SEPTIN10: variants seen among roughly 807,000 people sequenced by gnomAD.
SEPTIN10 encodes septin 10.
In SEPTIN10, 66 loss-of-function variants were observed where a neutral mutation model predicts 54.8. The ratio of observed to expected loss-of-function variants is 1.21; its 90% CI spans 0.99 to 1.48. The LOEUF (loss-of-function observed/expected upper bound fraction) is 1.48, where lower values mean the gene tolerates loss of function less well. Ranked by LOEUF, SEPTIN10 falls within the 40% of genes most tolerant of loss-of-function variation. The probability of loss-of-function intolerance (pLI) is 0.00; values close to 1 mark genes in which losing one functional copy is unlikely to be tolerated. For missense variants in SEPTIN10, 620 were observed against 545.6 expected, an observed-to-expected ratio of 1.14 and a Z score of -1.36; for synonymous variants, 161 against 181.0, an observed-to-expected ratio of 0.89 and a Z score of 0.89.
At chr2:109,582,460 T>C (rs910953904) in intron 4 of SEPTIN10, among the ~76,000 whole-genome samples, 2 of 152,056 alleles carry the variant, frequency 1.3e-5, no homozygotes, top group African/African-American at 4.8e-5. Context: ...GCTGGCAGTA[T>C]AGGTGCCCAC....
At chr2:109,577,655 G>A (rs959868974) in intron 4 of SEPTIN10, among the ~76,000 whole-genome samples, 10 of 151,560 alleles carry the variant, frequency 6.6e-5, no homozygotes, top group Non-Finnish European at 1.0e-4. Flanking sequence ...GCTCACGCCT[G>A]CAATCCCAGC....
intron 4 of SEPTIN10, among the ~76,000 whole-genome samples, chr2:109,578,081 A>G (rs890934996): frequency 1.3e-5 from 2 of 152,154 alleles, no homozygotes; most frequent in African/African-American, 2.4e-5. Context: ...GATAATGTGT[A>G]AGAGAACCAC....
intron 4 of SEPTIN10, among the ~76,000 whole-genome samples, chr2:109,583,736 C>T (rs987530357): frequency 1.3e-5 from 2 of 152,174 alleles, no homozygotes; most frequent in Non-Finnish European, 2.9e-5. Context: ...TGGAATCAAC[C>T]TAGCTGCCCA....
chr2:109,593,920 AGTTT>A (rs1313887799), intron 1 of SEPTIN10, among the ~76,000 whole-genome samples: 1 of 152,202 alleles, frequency 6.6e-6, no homozygotes, highest in East Asian at 1.9e-4. Flanking sequence ...TAGCTCATTA[AGTTT>A]ATTTTCTTAT....
chr2:109,544,206 A>G lies in SEPTIN10; in HGVS notation c.*103T>C. On this transcript the variant is annotated 3_prime_UTR_variant, in exon 11 of 11. Transcript: ENST00000397712. ...GTAACTGTGGCTGTTCACCAAATAT[A>G]GAAGTGATAAAACAAATAACAGCAA... is the stretch of plus-strand genomic sequence containing the variant. 6.2e-7 allele frequency: 1 copy of G among 1,607,764 alleles called. No homozygotes were observed. The highest frequency in any genetic ancestry group is 8.5e-7 in the Non-Finnish European group (1 of 1,177,458).
At chr2:109,551,852 G>T (rs556416006) in intron 9 of SEPTIN10, among the ~76,000 whole-genome samples, 3 of 152,298 alleles carry the variant, frequency 2.0e-5, no homozygotes, top group Admixed American at 6.5e-5. Context: ...CTAAATTGCT[G>T]CTTCAGAACT....
chr2:109,609,346 C>G (rs1373673459), intron 1 of SEPTIN10, among the ~76,000 whole-genome samples: 1 of 150,320 alleles, frequency 6.7e-6, no homozygotes, highest in Non-Finnish European at 1.5e-5. Flanking sequence ...AAGAATAATA[C>G]AGGTTGCTCT....
intron 5 of SEPTIN10, among the ~76,000 whole-genome samples, chr2:109,568,368 A>G (rs1215776156): frequency 1.4e-5 from 2 of 145,472 alleles, no homozygotes; most frequent in Non-Finnish European, 3.0e-5. Context: ...TGCCAGCCAC[A>G]CAATCTTTTT....
At chr2:109,599,102 A>G (rs1695974724) in intron 1 of SEPTIN10, among the ~76,000 whole-genome samples, 1 of 152,142 alleles carries the variant, frequency 6.6e-6, no homozygotes, top group South Asian at 2.1e-4. Context: ...ACATTCAGTT[A>G]TTCAAGCTAA....
At chr2:109,584,384 A>G (rs1179247788) in intron 4 of SEPTIN10, among the ~76,000 whole-genome samples, 1 of 150,014 alleles carries the variant, frequency 6.7e-6, no homozygotes, top group African/African-American at 2.4e-5. Context: ...CTGAGGCAGG[A>G]TAACCGCTTG....
intron 6 of SEPTIN10, among the ~76,000 whole-genome samples, chr2:109,566,534 A>C (rs1410398182): frequency 6.6e-6 from 1 of 152,176 alleles, no homozygotes; most frequent in Non-Finnish European, 1.5e-5. Context: ...GTAACTATAC[A>C]ATAGTGTATT....
At chr2:109,560,536 A>T (rs967684660) in intron 8 of SEPTIN10, among the ~76,000 whole-genome samples, 21 of 152,172 alleles carry the variant, frequency 1.4e-4, no homozygotes, top group African/African-American at 4.6e-4. Flanking sequence ...CACACATAGA[A>T]TTAATCATTT....
chr2:109,569,438 A>T (rs922327262), intron 5 of SEPTIN10, among the ~76,000 whole-genome samples: 42 of 49,454 alleles, frequency 8.5e-4, no homozygotes, highest in African/African-American at 3.4e-3. Context: ...AACTCTTGTT[A>T]AAAAAAAAAA....
chr2:109,609,253 A>C (rs1040169438), intron 1 of SEPTIN10, among the ~76,000 whole-genome samples: 2 of 152,238 alleles, frequency 1.3e-5, no homozygotes, highest in African/African-American at 4.8e-5. Flanking sequence ...AGCAAGAATA[A>C]AATTGTCCAA....
intron 8 of SEPTIN10, among the ~76,000 whole-genome samples, chr2:109,553,692 A>G (rs1028307454): frequency 6.6e-5 from 10 of 152,178 alleles, no homozygotes; most frequent in African/African-American, 2.4e-4. Flanking sequence ...GTCTCTACTA[A>G]AAATACAAAA....
intron 1 of SEPTIN10, among the ~76,000 whole-genome samples, chr2:109,598,021 C>CCT (rs1375199534): frequency 6.6e-6 from 1 of 152,148 alleles, no homozygotes; most frequent in Non-Finnish European, 1.5e-5. Flanking sequence ...GACCAATGAG[C>CCT]CTCAGGAAAC....
At chr2:109,545,779 G>C in intron 10 of SEPTIN10, 1 of 1,427,042 alleles carries the variant, frequency 7.0e-7, no homozygotes, top group Non-Finnish European at 9.1e-7. Context: ...CCAGCTAACT[G>C]ATCCTTTTCA....
chr2:109,547,803 G>A (rs1159219357), intron 9 of SEPTIN10, among the ~76,000 whole-genome samples: 1 of 152,226 alleles, frequency 6.6e-6, no homozygotes, highest in African/African-American at 2.4e-5. Context: ...CTGGCACTGA[G>A]TAAGCACTCG....
intron 1 of SEPTIN10, among the ~76,000 whole-genome samples, chr2:109,602,901 CAAAA>C (rs34841715): frequency 4.5e-5 from 5 of 110,372 alleles, no homozygotes; most frequent in East Asian, 2.7e-4. Flanking sequence ...GACCCTGTCT[CAAAA>C]AAAAAAAAAA....
Sources: gnomAD v4.1 joint callset for allele counts (sites outside exome capture counted in the v4.1 genomes callset) on GRCh38, gnomAD v4.1.1 for gene constraint, MANE v1.5 for transcripts, NCBI Gene and HGNC (gene_info 2026-07-23, HGNC 2026-07-21) for gene names.